AURKA: variants seen among roughly 807,000 people sequenced by gnomAD.
AURKA encodes the protein aurora 2.
In AURKA, 12 loss-of-function variants were observed where a neutral mutation model predicts 40.9. That is an observed-to-expected ratio of 0.29 (90% confidence interval 0.19 to 0.48). AURKA has a LOEUF of 0.48. Ranked by LOEUF, AURKA falls within the 20% of genes least tolerant of loss-of-function variation. The probability of loss-of-function intolerance (pLI) is 0.99; values close to 1 mark genes in which losing one functional copy is unlikely to be tolerated. For synonymous variants in AURKA, 170 were observed against 164.3 expected (o/e 1.03, Z -0.26); for missense variants, 322 against 462.1 (o/e 0.70, Z 2.78).
rs537591500 is a variant in AURKA at position 56,387,210 on chromosome 20, G to C, written c.43-677C>G. On this transcript the variant is annotated intron_variant, in intron 2 of 8. Coordinates refer to ENST00000395915, the MANE Select transcript of AURKA (RefSeq NM_198437.3). ...GCTCTGTCACCCAGACTGGAGTGCA[G>C]TGGCATGATCTCGGCTCACTGCAAC... 4.6e-5 allele frequency among the ~76,000 whole-genome samples: 7 copies of C among 152,286 alleles called. No homozygotes were observed. In the South Asian group the frequency reaches 1.5e-3, roughly 32 times the overall value.
chr20:56,377,133 T>A (rs1434971046), intron 6 of AURKA, among the ~76,000 whole-genome samples: 1 of 151,776 alleles, frequency 6.6e-6, no homozygotes, highest in Non-Finnish European at 1.5e-5. Flanking sequence ...ATACAAAAAA[T>A]ACAAAAATTA....
chr20:56,386,666 G>T, intron 2 of AURKA, 133 bp from the exon 3 acceptor site: 1 of 1,034,756 alleles, frequency 9.7e-7, no homozygotes. Context: ...AAGGTGAAAA[G>T]GTATTTTAAT....
intron 6 of AURKA, among the ~76,000 whole-genome samples, chr20:56,377,071 A>G (rs752720906): frequency 3.3e-5 from 5 of 152,094 alleles, no homozygotes; most frequent in East Asian, 1.9e-4. Flanking sequence ...TGGGTGACAA[A>G]GCAAGAATGC....
Position 56,370,296 on chromosome 20 carries a change from G to A in AURKA, c.1074C>T (p.Asp358=), listed in dbSNP as rs757867582. The A allele has an allele frequency of 1.2e-5, 19 of 1,614,076 alleles. No individual in the cohort carries two copies. The highest frequency in any genetic ancestry group is 1.6e-5 in the Non-Finnish European group (19 of 1,180,054). ...FPDFVTEGAR[D]LISRLLKHNP... is the part of the protein sequence containing the mutation. ...TATGCTTCAACAGTCTTGAAATGAG[G>A]TCCCTGGCTCCCTCTGTTACAAAGT... The change falls in exon 9 of 9, where the codon GAC becomes GAT. Residue 358 remains aspartate (D), a synonymous_variant. Transcript: ENST00000395915.
At chr20:56,371,494 C>T (rs1018093023) in intron 7 of AURKA, among the ~76,000 whole-genome samples, 1 of 137,500 alleles carries the variant, frequency 7.3e-6, no homozygotes, top group African/African-American at 2.7e-5. Flanking sequence ...ACCTGAATCT[C>T]TTCAGGACCT....
intron 1 of AURKA, among the ~76,000 whole-genome samples, chr20:56,391,538 C>T (rs1040840933): frequency 6.6e-6 from 1 of 152,084 alleles, no homozygotes; most frequent in African/African-American, 2.4e-5. Flanking sequence ...TCTGATTTAC[C>T]GGGCTCTCGG....
rs6099125 is a variant in AURKA, at chr20:56,386,696, T to G, written c.43-163A>C. On this transcript the variant is annotated intron_variant, in intron 2 of 8. Transcript: ENST00000395915. ...TTTAATCAGTACCTCCAGAGGATAGTTAGTATGTGGCTAAGAATACCTGAA... is the reference window on the plus strand; with the variant it reads ...TTTAATCAGTACCTCCAGAGGATAGGTAGTATGTGGCTAAGAATACCTGAA... Among the ~76,000 whole-genome samples, 1,116 of 152,292 alleles carry G rather than the reference T, an allele frequency of 7.3e-3. 13 individuals carry two copies. The highest frequency in any genetic ancestry group is 0.025 in the African/African-American group (1,041 of 41,570).
In AURKA at chr20:56,381,904, G is replaced by T. The variant is rs564388838; in HGVS notation, c.567-333C>A. On this transcript the variant is annotated intron_variant, in intron 5 of 8. Transcript: ENST00000395915. ...GACATGGCCGGGCACAGTGGCTCAC[G>T]CCTGTAATCCCAGCACTTTGGGAGG... Among the ~76,000 whole-genome samples, 11 of 152,120 alleles carry T rather than the reference G, an allele frequency of 7.2e-5. No individual in the cohort carries two copies. The South Asian group carries it at 2.3e-3, about 32-fold the overall frequency.
chr20:56,371,721 G>A, intron 7 of AURKA, among the ~76,000 whole-genome samples: 1 of 151,740 alleles, frequency 6.6e-6, no homozygotes, highest in East Asian at 1.9e-4. Flanking sequence ...CTTTGGTTGA[G>A]TTCTGATTTT....
chr20:56,387,873 TAA>T (rs1172565348), intron 2 of AURKA, among the ~76,000 whole-genome samples: 3 of 152,232 alleles, frequency 2.0e-5, no homozygotes, highest in Admixed American at 6.5e-5. Flanking sequence ...TGGCCAATTT[TAA>T]AAGTTTTGAA....
Position 56,386,282 on chromosome 20 carries a change from G to C in AURKA, c.294C>G (p.Ser98Arg), listed in dbSNP as rs369728775. The C allele has an allele frequency of 6.2e-7, 1 of 1,614,262 alleles. No individual in the cohort carries two copies. Among genetic ancestry groups the C allele is most frequent in the Non-Finnish European group, 8.5e-7 (1 of 1,180,050 alleles). The change falls in exon 3 of 9, where the codon AGC becomes AGG. Residue 98 changes from serine (S) to arginine (R), a missense_variant. Physicochemically the swap from Ser to Arg is moderately radical, Grantham distance 110. Transcript: ENST00000395915. ...CAGGTGCCGATGGCAGGGGCTGCTT[G>C]CTCTTTTGGGTGTTATTCAGTGGCC... ...VSRPLNNTQK[S>R]KQPLPSAPEN...
At chr20:56,377,684 G>A (rs1985110260) in intron 6 of AURKA, among the ~76,000 whole-genome samples, 1 of 152,092 alleles carries the variant, frequency 6.6e-6, no homozygotes, top group Admixed American at 6.5e-5. Context: ...CTACTCAGGA[G>A]TCTGAGGCAG....
chr20:56,372,356 T>A (rs975664143), intron 7 of AURKA, among the ~76,000 whole-genome samples: 1 of 152,118 alleles, frequency 6.6e-6, no homozygotes, highest in African/African-American at 2.4e-5. Flanking sequence ...ACATCTGGGA[T>A]TTGGAGTGAA....
At chr20:56,382,885 A>G in intron 5 of AURKA, 100 bp downstream of exon 5, 2 of 1,289,862 alleles carry the variant, frequency 1.6e-6, no homozygotes, top group Non-Finnish European at 2.2e-6. Flanking sequence ...GCCTCGTAAG[A>G]GGGAGTGAAG....
intron 1 of AURKA, 177 bp from the exon 2 acceptor site, chr20:56,388,379 G>A (rs1421549623): frequency 3.1e-6 from 2 of 643,732 alleles, no homozygotes; most frequent in Non-Finnish European, 5.5e-6. Flanking sequence ...TCCCTGCAAG[G>A]CCAACCTCCC....
At chr20:56,375,301 ATCTT>A (rs1207617620) in intron 6 of AURKA, among the ~76,000 whole-genome samples, 2 of 145,346 alleles carry the variant, frequency 1.4e-5, no homozygotes, top group African/African-American at 5.1e-5. Flanking sequence ...CTAATTTTTA[ATCTT>A]TCTTTTTTTT....
At chr20:56,376,682 T>A (rs1472549210) in intron 6 of AURKA, among the ~76,000 whole-genome samples, 1 of 151,890 alleles carries the variant, frequency 6.6e-6, no homozygotes, top group Non-Finnish European at 1.5e-5. Context: ...AAACTAAGAC[T>A]CTTCAACTTC....
At chr20:56,387,130 T>C (rs936825355) in intron 2 of AURKA, among the ~76,000 whole-genome samples, 1 of 152,140 alleles carries the variant, frequency 6.6e-6, no homozygotes, top group Non-Finnish European at 1.5e-5. Flanking sequence ...ATGTAGACAC[T>C]TCACAAAGTT....
chr20:56,378,323 T>A (rs1179158415), intron 6 of AURKA, among the ~76,000 whole-genome samples: 2 of 152,214 alleles, frequency 1.3e-5, no homozygotes, highest in Non-Finnish European at 2.9e-5. Flanking sequence ...AGAGTGCTTA[T>A]GTGCACTTCC....
Sources: gnomAD v4.1 joint callset for allele counts (sites outside exome capture counted in the v4.1 genomes callset) on GRCh38, gnomAD v4.1.1 for gene constraint, MANE v1.5 for transcripts, NCBI Gene and HGNC (gene_info 2026-07-23, HGNC 2026-07-21) for gene names.